Variants in RMDN2 observed in about 807,000 individuals in gnomAD.
RMDN2 encodes the protein regulator of microtubule dynamics 2, also known as regulator of microtubule dynamics protein 2.
RMDN2 carries 61 observed loss-of-function variants against 52.8 expected under a neutral mutation model. That is an observed-to-expected ratio of 1.16 (90% confidence interval 0.94 to 1.43). RMDN2 has a LOEUF of 1.43. Ranked by LOEUF, RMDN2 falls within the 40% of genes most tolerant of loss-of-function variation. The probability of loss-of-function intolerance (pLI) is 0.00; values close to 1 mark genes in which losing one functional copy is unlikely to be tolerated. For synonymous variants in RMDN2, 180 were observed against 153.1 expected (o/e 1.18, Z -1.30); for missense variants, 592 against 475.3 (o/e 1.25, Z -2.28).
chr2:38,050,352 A>T (rs1010056658), intron 10 of RMDN2, among the ~76,000 whole-genome samples: 1 of 151,534 alleles, frequency 6.6e-6, no homozygotes, highest in African/African-American at 2.4e-5. Flanking sequence ...CCTATTAAAA[A>T]AAAAAATAAA....
intron 8 of RMDN2, among the ~76,000 whole-genome samples, chr2:38,001,235 C>T (rs937425133): frequency 4.9e-4 from 74 of 152,200 alleles, no homozygotes; most frequent in African/African-American, 1.8e-3. Context: ...ACTGGGAACA[C>T]AGAAATGACC....
chr2:38,013,929 G>A (rs1678359796), intron 10 of RMDN2, among the ~76,000 whole-genome samples: 2 of 152,334 alleles, frequency 1.3e-5, no homozygotes, highest in Middle Eastern at 3.4e-3. Flanking sequence ...TAAGGCAGCC[G>A]GGCGTCGTGG....
At chr2:38,021,337 A>T (rs1679358976), downstream of RMDN2, among the ~76,000 whole-genome samples, 1 of 152,156 alleles carries the variant, frequency 6.6e-6, no homozygotes, top group South Asian at 2.1e-4. Flanking sequence ...GGGGCCAGAG[A>T]AGAGAATAAA....
At chr2:37,942,183 G>A (rs925125064) in intron 2 of RMDN2, among the ~76,000 whole-genome samples, 1 of 152,024 alleles carries the variant, frequency 6.6e-6, no homozygotes, top group Non-Finnish European at 1.5e-5. Context: ...GCACTTCCTG[G>A]GTGAGGCGAA....
intron 4 of RMDN2, among the ~76,000 whole-genome samples, chr2:37,977,581 C>T (rs1282001151): frequency 3.3e-5 from 5 of 151,162 alleles, no homozygotes; most frequent in East Asian, 2.0e-4. Flanking sequence ...GGCTGCTGGG[C>T]GGAGGGGCTC....
At chr2:37,998,467 AG>A (rs1299289821) in intron 8 of RMDN2, 1 of 152,272 alleles carries the variant, frequency 6.6e-6, no homozygotes, top group African/African-American at 2.4e-5. Context: ...TCAAGGCCGC[AG>A]TGAGCCATGA....
upstream of RMDN2, among the ~76,000 whole-genome samples, chr2:37,924,876 A>G (rs949870346): frequency 6.6e-6 from 1 of 152,264 alleles, no homozygotes; most frequent in African/African-American, 2.4e-5. Flanking sequence ...GATATCAGTA[A>G]TTAGTGCAAG....
chr2:38,047,601 C>A (rs1681350563), intron 10 of RMDN2, among the ~76,000 whole-genome samples: 1 of 152,142 alleles, frequency 6.6e-6, no homozygotes, highest in Non-Finnish European at 1.5e-5. Context: ...TCTGTGATTT[C>A]TTTAAACAAT....
intron 2 of RMDN2, among the ~76,000 whole-genome samples, chr2:37,961,806 G>C (rs777504920): frequency 5.3e-5 from 8 of 152,132 alleles, no homozygotes; most frequent in Non-Finnish European, 1.0e-4. Flanking sequence ...TTTTGCACTG[G>C]TTTTTCCTCA....
intron 5 of RMDN2, among the ~76,000 whole-genome samples, 160 bp from the exon 6 acceptor site, chr2:37,989,381 T>C (rs565569860): frequency 7.0e-4 from 107 of 152,300 alleles, no homozygotes; most frequent in African/African-American, 2.3e-3. Context: ...CTCATGTTAA[T>C]GTCAAGTATT....
At chr2:38,057,934 A>G (rs552224138) in intron 10 of RMDN2, among the ~76,000 whole-genome samples, 1 of 152,346 alleles carries the variant, frequency 6.6e-6, no homozygotes, top group African/African-American at 2.4e-5. Flanking sequence ...CCGTGAACCA[A>G]TTAAACCTCT....
chr2:37,940,092 C>G (rs772267956), intron 2 of RMDN2, among the ~76,000 whole-genome samples: 2 of 152,166 alleles, frequency 1.3e-5, no homozygotes, highest in Non-Finnish European at 2.9e-5. Context: ...GACAAAATCC[C>G]TCAGCATTTG....
At chr2:37,947,353 CAAA>C (rs1341562396) in intron 2 of RMDN2, among the ~76,000 whole-genome samples, 1 of 151,860 alleles carries the variant, frequency 6.6e-6, no homozygotes, top group Non-Finnish European at 1.5e-5. Flanking sequence ...TTCTTTCTCT[CAAA>C]ATAATATATG....
At chr2:37,937,291 G>A (rs1183557474) in intron 2 of RMDN2, among the ~76,000 whole-genome samples, 2 of 152,142 alleles carry the variant, frequency 1.3e-5, no homozygotes, top group African/African-American at 4.8e-5. Flanking sequence ...GTACCATGCT[G>A]TTTTGGTTAC....
intron 10 of RMDN2, among the ~76,000 whole-genome samples, chr2:38,039,605 G>A (rs1680827996): frequency 6.6e-6 from 1 of 152,154 alleles, no homozygotes. Context: ...GACTCCACCT[G>A]GAGATAAATT....
At chr2:38,044,811 A>G (rs568499897) in intron 10 of RMDN2, among the ~76,000 whole-genome samples, 1 of 152,068 alleles carries the variant, frequency 6.6e-6, no homozygotes, top group Non-Finnish European at 1.5e-5. Context: ...TACTTTTTCC[A>G]TATAAAGTGC....
chr2:38,056,979 C>A (rs1346135324), intron 10 of RMDN2, among the ~76,000 whole-genome samples: 3 of 152,110 alleles, frequency 2.0e-5, no homozygotes, highest in African/African-American at 7.2e-5. Flanking sequence ...CTTCCTAGTG[C>A]CTTATTTGGG....
At chr2:37,922,538 G>A (rs1391023460), upstream of RMDN2, among the ~76,000 whole-genome samples, 2 of 152,134 alleles carry the variant, frequency 1.3e-5, no homozygotes, top group Non-Finnish European at 2.9e-5. Flanking sequence ...CTAATATAGA[G>A]GGTGTGCACC....
chr2:37,978,972 GT>G (rs1282344225), intron 4 of RMDN2, among the ~76,000 whole-genome samples: 1 of 152,278 alleles, frequency 6.6e-6, no homozygotes, highest in African/African-American at 2.4e-5. Flanking sequence ...GTTTAACTGA[GT>G]TAATGTCTTA....
Sources: gnomAD v4.1 joint callset for allele counts (sites outside exome capture counted in the v4.1 genomes callset) on GRCh38, gnomAD v4.1.1 for gene constraint, MANE v1.5 for transcripts, NCBI Gene and HGNC (gene_info 2026-07-23, HGNC 2026-07-21) for gene names.